The following MRPS28 variants were observed in gnomAD, a reference collection of about 807,000 sequenced individuals.
MRPS28 encodes mitochondrial ribosomal protein S28.
In MRPS28, 7 loss-of-function variants were observed where a neutral mutation model predicts 10.8. That is an observed-to-expected ratio of 0.65 (90% confidence interval 0.37 to 1.22). The LOEUF is 1.22. Ranked by LOEUF, MRPS28 falls within the 50% of genes most tolerant of loss-of-function variation. The pLI, the probability that MRPS28 is intolerant of heterozygous loss-of-function variation, is 0.02. For missense variants in MRPS28, 265 were observed against 232.9 expected, an observed-to-expected ratio of 1.14 and a Z score of -0.90; for synonymous variants, 121 against 93.3, an observed-to-expected ratio of 1.30 and a Z score of -1.71.
Position 79,939,054 on chromosome 8 carries a change from T to A in MRPS28, c.396-19906A>T, listed in dbSNP as rs112272468. Among the ~76,000 whole-genome samples the A allele has an allele frequency of 3.7e-3, 566 of 152,340 alleles. 3 individuals carry two copies. The highest frequency in any genetic ancestry group is 0.013 in the African/African-American group (520 of 41,580). ...AGCAATCAGTTTCAGAGATACCTAC[T>A]GAAAGATCAGGGCCGAGGTTCTCTC... On this transcript the variant is annotated intron_variant, in intron 2 of 2. Coordinates refer to ENST00000276585, the MANE Select transcript of MRPS28 (RefSeq NM_014018.3).
intron 2 of MRPS28, among the ~76,000 whole-genome samples, chr8:79,999,947 T>C (rs1325652589): frequency 6.6e-6 from 1 of 152,186 alleles, no homozygotes; most frequent in Non-Finnish European, 1.5e-5. Flanking sequence ...ACTACTGTTA[T>C]TTTCCACTCA....
Position 80,030,090 on chromosome 8 carries a change from C to G in MRPS28, c.159G>C (p.Ala53=), listed in dbSNP as rs1809643921. The G allele has an allele frequency of 2.5e-6, 4 of 1,613,726 alleles. No individual in the cohort carries two copies. In the African/African-American group the frequency reaches 4.0e-5, roughly 16 times the overall value. The change falls in exon 1 of 3, where the codon GCG becomes GCC. Residue 53 remains alanine, a synonymous_variant. Transcript: ENST00000276585. The part of the protein sequence containing the change: ...KEPKTRAGGF[A]SALERHSELL... ...GCTCCGAGTGCCGCTCCAACGCGCT[C>G]GCGAAACCGCCTGCGCGCGTCTTAG...
At chr8:79,978,637 G>A (rs6992037) in intron 2 of MRPS28, among the ~76,000 whole-genome samples, 88,367 of 152,072 alleles carry the variant, frequency 0.58, 28,392 homozygotes, top group East Asian at 0.78. Context: ...TTATATTTTT[G>A]ACAATTGAAA....
At chr8:80,024,910 T>C (rs955716116) in intron 1 of MRPS28, among the ~76,000 whole-genome samples, 4 of 152,154 alleles carry the variant, frequency 2.6e-5, no homozygotes, top group African/African-American at 9.7e-5. Flanking sequence ...CTCCAGAGCA[T>C]TCAAAAACAG....
At chr8:80,004,192 A>G (rs1165144803) in intron 1 of MRPS28, among the ~76,000 whole-genome samples, 1 of 152,220 alleles carries the variant, frequency 6.6e-6, no homozygotes, top group Non-Finnish European at 1.5e-5. Flanking sequence ...TGCCTCCTCA[A>G]GTGGGTCCCT....
chr8:80,015,253 C>G lies in MRPS28; in HGVS notation c.214-12073G>C, dbSNP rs558538258. Among the ~76,000 whole-genome samples, 3 of 152,338 alleles carry G rather than the reference C, an allele frequency of 2.0e-5. No individual in the cohort carries two copies. The South Asian group carries it at 6.2e-4, about 32-fold the overall frequency. On this transcript the variant is annotated intron_variant, in intron 1 of 2. Coordinates refer to ENST00000276585, the MANE Select transcript of MRPS28 (RefSeq NM_014018.3). ...CTATTTTGAAATACATCAGAGCACT[C>G]TCTCTTATTCAACAATTCATTTATC...
At chr8:80,022,973 TTTC>T (rs1025013470) in intron 1 of MRPS28, among the ~76,000 whole-genome samples, 1 of 152,228 alleles carries the variant, frequency 6.6e-6, no homozygotes, top group African/African-American at 2.4e-5. Context: ...ATATACATCT[TTTC>T]TTTTAAGAAA....
intron 2 of MRPS28, among the ~76,000 whole-genome samples, chr8:79,980,859 T>C (rs1807934515): frequency 6.6e-6 from 1 of 152,190 alleles, no homozygotes; most frequent in South Asian, 2.1e-4. Context: ...TTTAAAACAT[T>C]AGGAAGATGC....
intron 2 of MRPS28, among the ~76,000 whole-genome samples, chr8:79,963,174 G>T (rs943150171): frequency 2.6e-5 from 4 of 152,068 alleles, no homozygotes; most frequent in Non-Finnish European, 5.9e-5. Context: ...ACTGAATCAA[G>T]ATTATTCATG....
At chr8:79,919,460 C>G (rs189041606) in intron 2 of MRPS28, among the ~76,000 whole-genome samples, 1 of 152,226 alleles carries the variant, frequency 6.6e-6, no homozygotes, top group Non-Finnish European at 1.5e-5. Flanking sequence ...CCTGCTTCAG[C>G]CTCCCAAGCA....
At chr8:79,926,112 C>T (rs1158518681) in intron 2 of MRPS28, among the ~76,000 whole-genome samples, 1 of 151,274 alleles carries the variant, frequency 6.6e-6, no homozygotes, top group Non-Finnish European at 1.5e-5. Context: ...TTTTGCTAGT[C>T]AAATATGAAT....
At chr8:79,956,278 T>C (rs982499168) in intron 2 of MRPS28, among the ~76,000 whole-genome samples, 7 of 152,248 alleles carry the variant, frequency 4.6e-5, no homozygotes, top group African/African-American at 1.7e-4. Flanking sequence ...GTATTTAAAA[T>C]ATTTTATATC....
At chr8:79,920,822 G>A (rs1810073654) in intron 2 of MRPS28, among the ~76,000 whole-genome samples, 1 of 152,136 alleles carries the variant, frequency 6.6e-6, no homozygotes, top group Admixed American at 6.6e-5. Flanking sequence ...TTTGGCTTTT[G>A]TTGCCATTGC....
At chr8:79,959,665 C>T (rs1191866985) in intron 2 of MRPS28, among the ~76,000 whole-genome samples, 1 of 151,956 alleles carries the variant, frequency 6.6e-6, no homozygotes, top group Non-Finnish European at 1.5e-5. Context: ...GAAAGGTTAC[C>T]ACAGAAATTT....
intron 2 of MRPS28, chr8:79,957,402 T>C (rs1807248574): frequency 6.6e-6 from 1 of 152,070 alleles, no homozygotes; most frequent in Non-Finnish European, 1.5e-5. Flanking sequence ...TGGTCATCTC[T>C]GTATGTTTAA....
At chr8:80,003,515 G>C (rs1266044189) in intron 1 of MRPS28, among the ~76,000 whole-genome samples, 1 of 152,114 alleles carries the variant, frequency 6.6e-6, no homozygotes, top group Non-Finnish European at 1.5e-5. Context: ...TACAAAATTA[G>C]GGGTTCCAAG....
rs373086165 is a variant in MRPS28 at position 80,022,538 on chromosome 8, A to G, written c.213+7498T>C. ...GGCCAGGCAACTTGTTCAGCTGCCA[A>G]CTCCTAGACTGAGTCCACCACTCAT... On this transcript the variant is annotated intron_variant, in intron 1 of 2. Coordinates refer to ENST00000276585, the MANE Select transcript of MRPS28 (RefSeq NM_014018.3). 3.9e-5 allele frequency among the ~76,000 whole-genome samples: 6 copies of G among 152,240 alleles called. No individual in the cohort carries two copies. In the South Asian group the frequency reaches 8.3e-4, roughly 21 times the overall value.
At chr8:80,020,734 TAG>T (rs1489162696) in intron 1 of MRPS28, among the ~76,000 whole-genome samples, 4 of 151,974 alleles carry the variant, frequency 2.6e-5, no homozygotes, top group Admixed American at 2.6e-4. Context: ...GAAATACTTG[TAG>T]AGAAGGTTAA....
chr8:79,984,484 T>C lies in MRPS28; in HGVS notation c.395+18515A>G, dbSNP rs369165357. 5.6e-4 allele frequency among the ~76,000 whole-genome samples: 85 copies of C among 152,242 alleles called. No individual in the cohort carries two copies. The East Asian group carries it at 0.016, about 29-fold the overall frequency. Reference sequence around the variant, plus strand: ...AATTAAAAGACACAGACTGGCAAATTGGATAAAGAGTCAAGACCCATCAGT... The same window carrying C: ...AATTAAAAGACACAGACTGGCAAATCGGATAAAGAGTCAAGACCCATCAGT... On this transcript the variant is annotated intron_variant, in intron 2 of 2. Transcript: ENST00000276585.
Sources: allele counts gnomAD v4.1 joint callset (sites outside exome capture counted in the v4.1 genomes callset), GRCh38; gene constraint gnomAD v4.1.1; transcripts MANE v1.5; gene names NCBI Gene and HGNC (gene_info 2026-07-23, HGNC 2026-07-21).